The following CCSER1 variants were observed in gnomAD, a reference collection of about 807,000 sequenced individuals.
CCSER1 encodes the protein coiled-coil serine rich protein 1, also known as serine-rich coiled-coil domain-containing protein 1.
Under a neutral mutation model 82.0 loss-of-function variants are expected in CCSER1, and 41 were observed. That is an observed-to-expected ratio of 0.50 (90% CI 0.39 to 0.65). CCSER1 has a LOEUF of 0.65. Among genes scored for constraint, CCSER1 ranks in the 30% least tolerant of loss-of-function variants. The probability of loss-of-function intolerance (pLI) is 0.00; values close to 1 mark genes in which losing one functional copy is unlikely to be tolerated. For synonymous variants in CCSER1, 414 were observed against 383.9 expected (o/e 1.08, Z -0.92); for missense variants, 1,119 against 1,064.2 (o/e 1.05, Z -0.72).
chr4:91,285,531 G>A (rs907081696), intron 10 of CCSER1, among the ~76,000 whole-genome samples: 4 of 151,666 alleles, frequency 2.6e-5, no homozygotes, highest in Admixed American at 6.6e-5. Flanking sequence ...TGAGATTTTC[G>A]ATCACTGGTT....
intron 9 of CCSER1, among the ~76,000 whole-genome samples, chr4:90,936,515 A>C (rs1242817917): frequency 6.6e-6 from 1 of 152,142 alleles, no homozygotes; most frequent in Non-Finnish European, 1.5e-5. Flanking sequence ...TAAAGTATTA[A>C]AACTTTTATG....
intron 1 of CCSER1, among the ~76,000 whole-genome samples, chr4:90,220,031 C>T (rs1481152652): frequency 6.6e-6 from 1 of 152,146 alleles, no homozygotes; most frequent in East Asian, 1.9e-4. Context: ...AACCTGTGGT[C>T]AATCCTAGTC....
intron 5 of CCSER1, among the ~76,000 whole-genome samples, chr4:90,479,670 G>A (rs1034339052): frequency 1.3e-5 from 2 of 152,090 alleles, no homozygotes; most frequent in East Asian, 1.9e-4. Flanking sequence ...AATGATGGCT[G>A]CCAGCTTCAT....
intron 4 of CCSER1, among the ~76,000 whole-genome samples, chr4:90,450,897 G>A (rs887258860): frequency 6.6e-6 from 1 of 152,192 alleles, no homozygotes; most frequent in African/African-American, 2.4e-5. Context: ...AGCTTTTTCA[G>A]TCTAGCAAGA....
At chr4:90,766,515 G>A (rs1177024086) in intron 7 of CCSER1, among the ~76,000 whole-genome samples, 3 of 152,016 alleles carry the variant, frequency 2.0e-5, no homozygotes, top group Non-Finnish European at 4.4e-5. Flanking sequence ...TGGTGAATGT[G>A]GACCTATAGT....
intron 10 of CCSER1, among the ~76,000 whole-genome samples, chr4:91,166,123 A>G (rs1473221015): frequency 2.0e-5 from 3 of 152,234 alleles, no homozygotes; most frequent in Admixed American, 2.0e-4. Flanking sequence ...TTTATGAGTT[A>G]CATCAGATAC....
intron 7 of CCSER1, chr4:90,780,913 C>G: frequency 4.0e-6 from 2 of 505,572 alleles, no homozygotes; most frequent in Non-Finnish European, 5.1e-6. Flanking sequence ...AATTGGCCCA[C>G]AGTTCTGCAG....
Position 90,826,789 on chromosome 4 carries a change from C to T in CCSER1, c.2094+10944C>T, listed in dbSNP as rs551476276. Among the ~76,000 whole-genome samples the T allele has an allele frequency of 2.6e-5, 4 of 152,256 alleles. No homozygotes were observed. In the East Asian group the frequency reaches 7.7e-4, roughly 29 times the overall value. ...ATATTAGTGGTATAAAATAGGATAA[C>T]ACAGTTCACTTTTGCTACATATCAA... On this transcript the variant is annotated intron_variant, in intron 8 of 10. Coordinates refer to ENST00000509176, the MANE Select transcript of CCSER1 (RefSeq NM_001145065.2).
chr4:90,782,685 C>CTTTTTTTTTTTT (rs61457393), intron 7 of CCSER1, among the ~76,000 whole-genome samples: 5 of 133,982 alleles, frequency 3.7e-5, no homozygotes, highest in Admixed American at 7.8e-5. Context: ...TTCTTTCTTT[C>CTTTTTTTTTTTT]TTTTTTTTTT....
chr4:90,454,228 GTT>G (rs576058533), intron 4 of CCSER1, among the ~76,000 whole-genome samples: 22 of 128,774 alleles, frequency 1.7e-4, no homozygotes, highest in Non-Finnish European at 1.9e-4. Context: ...TTTGTTTCAT[GTT>G]TTTTTTTTTT....
intron 1 of CCSER1, among the ~76,000 whole-genome samples, chr4:90,253,738 C>T (rs1478421961): frequency 6.6e-6 from 1 of 152,126 alleles, no homozygotes; most frequent in Non-Finnish European, 1.5e-5. Context: ...GAGGCACAAC[C>T]GTGGGCATGC....
intron 1 of CCSER1, among the ~76,000 whole-genome samples, chr4:90,252,050 G>C (rs918139348): frequency 4.6e-5 from 7 of 151,838 alleles, no homozygotes; most frequent in African/African-American, 1.7e-4. Context: ...TAATGTTATT[G>C]ATGTGAGATG....
intron 10 of CCSER1, among the ~76,000 whole-genome samples, chr4:91,184,492 G>T (rs1005487394): frequency 2.6e-5 from 4 of 152,182 alleles, no homozygotes; most frequent in Non-Finnish European, 5.9e-5. Context: ...TCTTAAATCA[G>T]TTAGCATTCT....
chr4:90,432,551 CCTT>C (rs917577740), intron 4 of CCSER1, among the ~76,000 whole-genome samples: 17 of 151,776 alleles, frequency 1.1e-4, no homozygotes, highest in African/African-American at 4.1e-4. Context: ...TTGCTCCCTC[CCTT>C]CTTCCTTCCT....
At chr4:90,541,480 A>G (rs1311814165) in intron 5 of CCSER1, among the ~76,000 whole-genome samples, 1 of 152,118 alleles carries the variant, frequency 6.6e-6, no homozygotes, top group Non-Finnish European at 1.5e-5. Flanking sequence ...ATCTGGAGCA[A>G]GTTACTTAAC....
At chr4:90,496,540 A>G (rs1769030135) in intron 5 of CCSER1, among the ~76,000 whole-genome samples, 1 of 152,214 alleles carries the variant, frequency 6.6e-6, no homozygotes, top group African/African-American at 2.4e-5. Flanking sequence ...CAATTTTTTC[A>G]GATATTTATG....
intron 1 of CCSER1, among the ~76,000 whole-genome samples, chr4:90,153,044 C>T (rs1727204916): frequency 8.9e-6 from 1 of 112,864 alleles, no homozygotes; most frequent in Non-Finnish European, 1.8e-5. Flanking sequence ...CCTCCCCCCA[C>T]CCCACCACAG....
In CCSER1 at chr4:91,599,015, A is replaced by G; in HGVS notation, c.2661A>G (p.Leu887=). Residue 887 remains leucine, a synonymous_variant, in exon 11 of 11, where the codon TTA becomes TTG. Coordinates refer to ENST00000509176, the MANE Select transcript of CCSER1 (RefSeq NM_001145065.2). ...AGAATGTGTTTCTCCACCACAATTT[A>G]CACAGCACTGAGCTGCAAACTCTAG... ...SRKNVFLHHN[L]HSTELQTLGQ... The G allele has an allele frequency of 6.4e-7, 1 of 1,551,278 alleles. No homozygotes were observed. Among genetic ancestry groups the G allele is most frequent in the South Asian group, 1.2e-5 (1 of 84,032 alleles).
chr4:90,841,154 G>A (rs1028059629), intron 8 of CCSER1, among the ~76,000 whole-genome samples: 2 of 152,246 alleles, frequency 1.3e-5, no homozygotes, highest in Middle Eastern at 3.4e-3. Flanking sequence ...GTAGAAGCTT[G>A]AGAATGGCAT....
Sources: gnomAD v4.1 joint callset for allele counts (sites outside exome capture counted in the v4.1 genomes callset) on GRCh38, gnomAD v4.1.1 for gene constraint, MANE v1.5 for transcripts, NCBI Gene and HGNC (gene_info 2026-07-23, HGNC 2026-07-21) for gene names.